Variants in ESPNL observed in about 807,000 individuals in gnomAD.
ESPNL encodes the protein espin like.
A neutral mutation model predicts 46.8 loss-of-function variants in ESPNL; 49 were observed. The ratio of observed to expected loss-of-function variants is 1.05; its 90% CI spans 0.83 to 1.33. The LOEUF (loss-of-function observed/expected upper bound fraction) is 1.33. Ranked by LOEUF, ESPNL falls within the 40% of genes most tolerant of loss-of-function variation. ESPNL has a pLI of 0.00. For synonymous variants in ESPNL, 664 were observed against 662.1 expected (o/e 1.00, Z -0.04); for missense variants, 1,540 against 1,436.6 (o/e 1.07, Z -1.16).
chr2:238,106,576 G>A (rs2106465528), intron 3 of ESPNL, among the ~76,000 whole-genome samples: 1 of 152,344 alleles, frequency 6.6e-6, no homozygotes, highest in South Asian at 2.1e-4. Context: ...TCTGGACCTG[G>A]GTCCCACCCT....
intron 3 of ESPNL, among the ~76,000 whole-genome samples, chr2:238,105,983 C>T (rs1691587928): frequency 6.6e-6 from 1 of 152,172 alleles, no homozygotes; most frequent in Admixed American, 6.5e-5. Flanking sequence ...CACAGCTCCC[C>T]AGCTGCCCCT....
At chr2:238,118,397 GAAGA>G (rs1287540434) in intron 5 of ESPNL, among the ~76,000 whole-genome samples, 220 of 76,530 alleles carry the variant, frequency 2.9e-3, no homozygotes, top group Middle Eastern at 6.0e-3. Flanking sequence ...AGGGTGGATG[GAAGA>G]GGGTGGACGG....
At chr2:238,108,396 A>G (rs1691646545) in intron 4 of ESPNL, among the ~76,000 whole-genome samples, 1 of 148,368 alleles carries the variant, frequency 6.7e-6, no homozygotes, top group African/African-American at 2.5e-5. Flanking sequence ...ACGACATCCA[A>G]AAACCCCACG....
chr2:238,129,277 G>A, intron 8 of ESPNL: 1 of 1,121,516 alleles, frequency 8.9e-7, no homozygotes, highest in South Asian at 3.1e-5. Flanking sequence ...TGTGGAGAAA[G>A]CAAAGCAGTT....
At chr2:238,118,173 G>T (rs1476145394) in intron 5 of ESPNL, among the ~76,000 whole-genome samples, 7 of 146,318 alleles carry the variant, frequency 4.8e-5, no homozygotes, top group Non-Finnish European at 9.0e-5. Context: ...GGAATGGATG[G>T]AGGAATGGAT....
chr2:238,101,906 A>AC lies in ESPNL; in HGVS notation c.295-29dup, dbSNP rs561378399. 1.2e-4 allele frequency: 189 copies of AC among 1,547,010 alleles called. No individual in the cohort carries two copies. In the African/African-American group the frequency reaches 2.3e-3, roughly 19 times the overall value. The stretch of plus-strand genomic sequence containing the variant: ...GCAGCTGGCTCTGACCTCACGGCCT[A>AC]CCCCCCACTCACTGACCTACCCGGG... On this transcript the variant is annotated intron_variant, in intron 1 of 8. Transcript: ENST00000343063.
intron 2 of ESPNL, 120 bp from the exon 3 acceptor site, chr2:238,104,536 G>T (rs1419980310): frequency 3.3e-5 from 38 of 1,160,558 alleles, no homozygotes; most frequent in Non-Finnish European, 4.3e-5. Flanking sequence ...CAGCTGGAAA[G>T]CATGTGGGAA....
chr2:238,124,321 G>A (rs1348086632), intron 5 of ESPNL, among the ~76,000 whole-genome samples: 1 of 152,220 alleles, frequency 6.6e-6, no homozygotes, highest in Admixed American at 6.5e-5. Context: ...TGCCCAGAGG[G>A]ACGGTGGCAT....
chr2:238,100,719 C>T lies in ESPNL; in HGVS notation c.294+6C>T, dbSNP rs371767557. 11 of 1,411,634 alleles carry T rather than the reference C, an allele frequency of 7.8e-6. No homozygotes were observed. The highest frequency in any genetic ancestry group is 3.2e-5 in the Admixed American group (1 of 31,732). The allele number at this position is 1,411,634 out of a possible 1,614,324, so 87.4% of individuals were successfully genotyped here. On this transcript the variant is annotated splice_donor_region_variant and intron_variant, in intron 1 of 8. Transcript: ENST00000343063. ...AGGGGGGCTGCGGTCTGCAGGTGAGCGGGGATGGGGCAGCCTGGCTCCACG... is the reference window on the plus strand; with the variant it reads ...AGGGGGGCTGCGGTCTGCAGGTGAGTGGGGATGGGGCAGCCTGGCTCCACG...
At chr2:238,106,531 C>A (rs1345567017) in intron 3 of ESPNL, among the ~76,000 whole-genome samples, 1 of 152,234 alleles carries the variant, frequency 6.6e-6, no homozygotes, top group Non-Finnish European at 1.5e-5. Flanking sequence ...CTCTCCAGCT[C>A]CTCCTGCTGG....
At position 238,129,160 on chromosome 2, in the gene ESPNL, G is replaced by C. The variant is rs554083292; in HGVS notation, c.1413+256G>C. The C allele has an allele frequency of 3.5e-5, 49 of 1,396,830 alleles. No homozygotes were observed. The African/African-American group carries it at 6.0e-4, about 17-fold the overall frequency. 86.5% of individuals were successfully genotyped at this position (1,396,830 alleles called of 1,614,324 possible). ...CTTGGCGGATTTGTGGCACATGCCT[G>C]CCTGTGCCAAGCGTTGTTCTAGGCC... On this transcript the variant is annotated intron_variant, in intron 8 of 8. Transcript: ENST00000343063.
At chr2:238,100,842 G>A in intron 1 of ESPNL, 129 bp downstream of exon 1, 6 of 774,212 alleles carry the variant, frequency 7.7e-6, no homozygotes, top group Non-Finnish European at 1.1e-5. Context: ...TTTCTCTTGG[G>A]GACTCAGTCA....
At chr2:238,129,343 G>A in intron 8 of ESPNL, 1 of 777,692 alleles carries the variant, frequency 1.3e-6, no homozygotes, top group Non-Finnish European at 1.6e-6. Context: ...GTGGCCTTGA[G>A]CAGGGGCCAG....
Position 238,130,663 on chromosome 2 carries a change from T to C in ESPNL, c.1949T>C (p.Val650Ala). Reference protein sequence around the residue: ...EAQRQIQEWGVSVRTLRGNFE... With the variant: ...EAQRQIQEWGASVRTLRGNFE... ...CAGCGCCAGATCCAGGAGTGGGGGG[T>C]GTCTGTGCGGACGCTGCGGGGCAAC... Residue 650 changes from valine to alanine, a missense_variant, in exon 9 of 9, where the codon GTG (valine) becomes GCG (alanine). Transcript: ENST00000343063. 1 of 1,560,646 alleles carries C rather than the reference T, an allele frequency of 6.4e-7. No individual in the cohort carries two copies. Among genetic ancestry groups the C allele is most frequent in the South Asian group, 1.2e-5 (1 of 85,040 alleles).
At position 238,125,304 on chromosome 2, in the gene ESPNL, TCCC is replaced by T. The variant is rs1424219547; in HGVS notation, c.1026_1028del (p.Pro345del). 2 of 1,557,070 alleles carry T rather than the reference TCCC, an allele frequency of 1.3e-6. No homozygotes were observed. Among genetic ancestry groups the T allele is most frequent in the Non-Finnish European group, 1.7e-6 (2 of 1,151,808 alleles). On this transcript the variant is annotated inframe_deletion, in exon 6 of 9. Coordinates refer to ENST00000343063, the MANE Select transcript of ESPNL (RefSeq NM_194312.4). ...CTGATGACGCCCCCACCACCACCGT[TCCC>T]CCCACCTCCACTGTTGGCCACGAGG... is the stretch of plus-strand genomic sequence containing the variant.
intron 3 of ESPNL, among the ~76,000 whole-genome samples, chr2:238,106,239 G>T (rs887288926): frequency 1.3e-5 from 2 of 151,594 alleles, no homozygotes; most frequent in Admixed American, 6.6e-5. Context: ...TGAAGCAATG[G>T]GTGGGCAAGT....
chr2:238,127,332 C>T (rs1005189661), intron 6 of ESPNL: 48 of 1,222,194 alleles, frequency 3.9e-5, no homozygotes, highest in Non-Finnish European at 4.7e-5. Flanking sequence ...GCGTTAGGGG[C>T]GGCCTCAAGC....
At chr2:238,129,683 C>A (rs994730519) in intron 8 of ESPNL, among the ~76,000 whole-genome samples, 1 of 152,244 alleles carries the variant, frequency 6.6e-6, no homozygotes, top group Admixed American at 6.5e-5. Context: ...AGTTCTGTGC[C>A]CCCGGCCCAG....
chr2:238,116,340 C>T (rs1028288471), intron 4 of ESPNL, among the ~76,000 whole-genome samples: 5 of 152,158 alleles, frequency 3.3e-5, no homozygotes, highest in Non-Finnish European at 7.4e-5. Context: ...GTCCTGGCCC[C>T]AAGTTGGCTG....
Sources: gnomAD v4.1 joint callset for allele counts (sites outside exome capture counted in the v4.1 genomes callset) on GRCh38, gnomAD v4.1.1 for gene constraint, MANE v1.5 for transcripts, NCBI Gene and HGNC (gene_info 2026-07-23, HGNC 2026-07-21) for gene names.